The following RFC1 variants were observed in gnomAD, a reference collection of about 807,000 sequenced individuals.
The protein encoded by RFC1 is replication factor C subunit 1, also known as A1 140 kDa subunit.
Under a neutral mutation model 137.4 loss-of-function variants are expected in RFC1, and 37 were observed. The ratio of observed to expected loss-of-function variants is 0.27; its 90% CI spans 0.21 to 0.35. The LOEUF is 0.35. RFC1 is among the 10% of genes least tolerant of loss of function. The pLI is 1.00. For synonymous variants in RFC1, 429 were observed against 455.7 expected, an observed-to-expected ratio of 0.94 and a Z score of 0.75; for missense variants, 1,205 against 1,358.5, an observed-to-expected ratio of 0.89 and a Z score of 1.78.
At chr4:39,332,065 G>C (rs188661612) in intron 4 of RFC1, among the ~76,000 whole-genome samples, 5 of 152,292 alleles carry the variant, frequency 3.3e-5, no homozygotes, top group Middle Eastern at 3.4e-3. Context: ...CTTGTCTGCC[G>C]ACACTTGAGA....
intron 22 of RFC1, among the ~76,000 whole-genome samples, chr4:39,294,575 CAGA>C (rs1247480864): frequency 6.6e-6 from 1 of 151,506 alleles, no homozygotes; most frequent in Non-Finnish European, 1.5e-5. Flanking sequence ...GAGGCTGAGG[CAGA>C]AGAATTGCTT....
chr4:39,363,490 T>C (rs987031898), intron 1 of RFC1, among the ~76,000 whole-genome samples: 3 of 152,222 alleles, frequency 2.0e-5, no homozygotes, highest in African/African-American at 7.2e-5. Flanking sequence ...TATTCCATTG[T>C]GTGAATACAC....
chr4:39,360,896 A>G (rs1286096133), intron 1 of RFC1, among the ~76,000 whole-genome samples: 2 of 152,250 alleles, frequency 1.3e-5, no homozygotes, highest in Non-Finnish European at 1.5e-5. Context: ...AAGAAATATA[A>G]GTATTTCTGG....
chr4:39,305,031 T>C (rs573718016), intron 14 of RFC1, 103 bp from the exon 15 acceptor site: 6 of 741,764 alleles, frequency 8.1e-6, no homozygotes, highest in Non-Finnish European at 1.5e-5. Context: ...AAAATTAATA[T>C]AAAAACCCAT....
chr4:39,332,401 CTATTAA>C (rs2109703072), intron 4 of RFC1, among the ~76,000 whole-genome samples: 1 of 152,262 alleles, frequency 6.6e-6, no homozygotes, highest in Admixed American at 6.5e-5. Flanking sequence ...TTTTTATTTA[CTATTAA>C]TAAGTTTTTA....
At chr4:39,311,614 A>T in intron 11 of RFC1, 65 bp from the exon 12 acceptor site, 1 of 1,269,844 alleles carries the variant, frequency 7.9e-7, no homozygotes, top group Non-Finnish European at 1.1e-6. Context: ...TTCTCTTACA[A>T]AAAAAAAAAT....
chr4:39,316,736 T>A (rs1192975989), intron 10 of RFC1, among the ~76,000 whole-genome samples, 179 bp downstream of exon 10: 1 of 152,234 alleles, frequency 6.6e-6, no homozygotes, highest in Non-Finnish European at 1.5e-5. Flanking sequence ...TTTTTCTAAG[T>A]ATCAAGCAGT....
intron 19 of RFC1, 83 bp downstream of exon 19, chr4:39,302,195 A>T: frequency 1.2e-6 from 1 of 821,042 alleles, no homozygotes; most frequent in Non-Finnish European, 2.1e-6. Context: ...AAGGAACTAT[A>T]ATAACTACTT....
intron 14 of RFC1, 85 bp downstream of exon 14, chr4:39,306,507 C>T (rs557384748): frequency 6.1e-5 from 44 of 717,554 alleles, no homozygotes; most frequent in African/African-American, 8.8e-5. Context: ...CACATGCACA[C>T]GCACAGATGT....
intron 21 of RFC1, among the ~76,000 whole-genome samples, chr4:39,298,569 C>T (rs941863239): frequency 1.2e-4 from 19 of 152,136 alleles, no homozygotes; most frequent in African/African-American, 4.3e-4. Context: ...TATAAAACTG[C>T]CTTTTTAGCA....
intron 4 of RFC1, among the ~76,000 whole-genome samples, chr4:39,336,487 T>C (rs943422596): frequency 6.6e-6 from 1 of 152,206 alleles, no homozygotes; most frequent in Admixed American, 6.5e-5. Context: ...ATCAGACTAG[T>C]AGGTGAAATG....
At chr4:39,316,088 G>A (rs1324245032) in intron 10 of RFC1, among the ~76,000 whole-genome samples, 1 of 152,142 alleles carries the variant, frequency 6.6e-6, no homozygotes, top group East Asian at 1.9e-4. Flanking sequence ...AAATTAGCCA[G>A]GCATGGTGGC....
Position 39,295,277 on chromosome 4 carries a change from T to C in RFC1, c.2954+337A>G, listed in dbSNP as rs1262714870. Among the ~76,000 whole-genome samples the C allele has an allele frequency of 3.9e-5, 6 of 152,344 alleles. No individual in the cohort carries two copies. In the East Asian group the frequency reaches 1.2e-3, roughly 29 times the overall value. Reference sequence around the variant, plus strand: ...AATAGTTCAATTATTTTCCTATTAATTATTCTGAAGCTGCGAAGCTATTCC... The same window carrying C: ...AATAGTTCAATTATTTTCCTATTAACTATTCTGAAGCTGCGAAGCTATTCC... On this transcript the variant is annotated intron_variant, in intron 22 of 24. Transcript: ENST00000349703.
At chr4:39,339,655 T>C (rs1578153345) in intron 4 of RFC1, among the ~76,000 whole-genome samples, 1 of 152,208 alleles carries the variant, frequency 6.6e-6, no homozygotes, top group East Asian at 1.9e-4. Flanking sequence ...TTATCAAATA[T>C]ATGATTTGCA....
chr4:39,313,043 C>T, intron 10 of RFC1, 112 bp from the exon 11 acceptor site: 1 of 896,402 alleles, frequency 1.1e-6, no homozygotes, highest in East Asian at 2.6e-5. Flanking sequence ...TCATAAATAA[C>T]CTTGGCATGG....
At chr4:39,316,078 A>G (rs1739225734) in intron 10 of RFC1, among the ~76,000 whole-genome samples, 1 of 151,924 alleles carries the variant, frequency 6.6e-6, no homozygotes, top group African/African-American at 2.4e-5. Flanking sequence ...TAAAAATACA[A>G]AATTAGCCAG....
At chr4:39,301,513 G>A (rs1188118284) in intron 19 of RFC1, among the ~76,000 whole-genome samples, 1 of 152,210 alleles carries the variant, frequency 6.6e-6, no homozygotes, top group East Asian at 1.9e-4. Flanking sequence ...GGCAGTGGGA[G>A]AGGCTGTGCG....
chr4:39,339,815 C>T (rs941429621), intron 4 of RFC1, among the ~76,000 whole-genome samples: 1 of 152,086 alleles, frequency 6.6e-6, no homozygotes, highest in African/African-American at 2.4e-5. Flanking sequence ...ACTAGTAGTT[C>T]CCATACGAGA....
intron 4 of RFC1, among the ~76,000 whole-genome samples, chr4:39,337,112 C>G (rs969903746): frequency 3.5e-4 from 53 of 152,268 alleles, no homozygotes; most frequent in African/African-American, 1.3e-3. Context: ...CAGTGGCTCA[C>G]GCCTATAATC....
Sources: gnomAD v4.1 joint callset for allele counts (sites outside exome capture counted in the v4.1 genomes callset) on GRCh38, gnomAD v4.1.1 for gene constraint, MANE v1.5 for transcripts, NCBI Gene and HGNC (gene_info 2026-07-23, HGNC 2026-07-21) for gene names.